Variants in MYO15B observed in about 807,000 individuals in gnomAD.
MYO15B encodes myosin XVB.
MYO15B carries 207 observed loss-of-function variants against 119.3 expected under a neutral mutation model. That is an observed-to-expected ratio of 1.73 (90% CI 1.55 to 1.95). The LOEUF is 1.95. Among genes scored for constraint, MYO15B ranks in the 30% most tolerant of loss-of-function variants. The pLI, the probability that MYO15B is intolerant of heterozygous loss-of-function variation, is 0.00. For synonymous variants in MYO15B, 966 were observed against 498.9 expected, an observed-to-expected ratio of 1.94 and a Z score of -12.48; for missense variants, 2,264 against 1,203.1, an observed-to-expected ratio of 1.88 and a Z score of -13.04.
chr17:75,624,171 G>A lies in MYO15B; in HGVS notation c.8273-4G>A, dbSNP rs912731602. ...CTCATAACCCCAGGCTGGCTTCTCT[G>A]CAGAGCTGGCCCGGAGCAGCCAGGA... On this transcript the variant is annotated splice_region_variant and splice_polypyrimidine_tract_variant and intron_variant, in intron 55 of 63. Transcript: ENST00000645453. 4 of 702,850 alleles carry A rather than the reference G, an allele frequency of 5.7e-6. No homozygotes were observed. The highest frequency in any genetic ancestry group is 5.2e-5 in the African/African-American group (3 of 57,252). 43.5% of individuals were successfully genotyped at this position (702,850 alleles called of 1,614,324 possible).
Position 75,625,913 on chromosome 17 carries a change from T to TA in MYO15B, c.9008_9009insA (p.Ser3004ValfsTer57), listed in dbSNP as rs1455478063. ...GTGCTGCGAGTGAGCATGCAGGCCC[T>TA]GTCCGGACCCACTCTCCTGGGGCTC... On this transcript the variant is annotated frameshift_variant, in exon 62 of 64. Transcript: ENST00000645453. LOFTEE classifies it high-confidence loss of function. 1.9e-5 allele frequency: 13 copies of TA among 702,558 alleles called. No homozygotes were observed. The South Asian group carries it at 1.9e-4, about 10-fold the overall frequency. The allele number at this position is 702,558 out of a possible 1,614,324, so 43.5% of individuals were successfully genotyped here. A position where few individuals can be genotyped will look rare whatever the true frequency, so the allele number is the denominator to read the frequency against.
intron 9 of MYO15B, among the ~76,000 whole-genome samples, chr17:75,594,099 A>AG (rs2056676416): frequency 1.2e-5 from 1 of 81,326 alleles, no homozygotes; most frequent in African/African-American, 3.9e-5. Context: ...CAAAAAAAAA[A>AG]AAAAAGAAAA....
intron 53 of MYO15B, 120 bp from the exon 54 acceptor site, chr17:75,623,661 A>G (rs888386400): frequency 1.5e-6 from 1 of 649,754 alleles, no homozygotes; most frequent in Non-Finnish European, 2.8e-6. Flanking sequence ...TGATGTCTTA[A>G]GCTGAGAGAG....
At chr17:75,609,485 A>ATTTTT (rs749247022) in intron 21 of MYO15B, among the ~76,000 whole-genome samples, 47 of 77,966 alleles carry the variant, frequency 6.0e-4, no homozygotes, top group Admixed American at 7.7e-4. Context: ...AAGGGAAATG[A>ATTTTT]TTTTTTTTTT....
rs139523993 is a variant in MYO15B at position 75,613,752 on chromosome 17, C to T, written c.5194C>T (p.Leu1732=). ...GGAGTCTTGGACCACCGGGGAGCAG[C>T]TGGCTGGGTGGATCCTGCAGAGCAG... Residue 1732 remains leucine, a synonymous_variant, in exon 29 of 64, where the codon CTG becomes TTG. Transcript: ENST00000645453. 4 of 702,474 alleles carry T rather than the reference C, an allele frequency of 5.7e-6. 1 individual carries two copies. The South Asian group carries it at 5.9e-5, about 10-fold the overall frequency. 43.5% of individuals were successfully genotyped at this position (702,474 alleles called of 1,614,324 possible).
chr17:75,614,436 G>A (rs2148008997), intron 30 of MYO15B, 76 bp downstream of exon 30: 1 of 677,470 alleles, frequency 1.5e-6, no homozygotes, highest in Admixed American at 2.0e-5. Context: ...CACACTCAGG[G>A]GTTTATAGGA....
rs182995925 is a variant in MYO15B, at chr17:75,615,150, G to A, written c.5642-90G>A. 5.4e-4 allele frequency: 369 copies of A among 677,398 alleles called. 3 individuals carry two copies. The highest frequency in any genetic ancestry group is 2.6e-3 in the Middle Eastern group (11 of 4,256). 42.0% of individuals were successfully genotyped at this position (677,398 alleles called of 1,614,324 possible). On this transcript the variant is annotated intron_variant, in intron 33 of 63. Coordinates refer to ENST00000645453, the Ensembl canonical transcript of MYO15B. The stretch of plus-strand genomic sequence containing the variant: ...CGATCGATGCCCTGGCCAGCACCCC[G>A]GTGCCCGATGCTCTTCTCTGTGCCT...
intron 9 of MYO15B, 33 bp downstream of exon 9, chr17:75,592,873 G>T (rs2056568601): frequency 5.8e-6 from 4 of 694,074 alleles, no homozygotes; most frequent in Non-Finnish European, 1.1e-5. Context: ...GCCATCTGGG[G>T]TGCTGGGTCT....
At chr17:75,624,552 G>A in exon 58 of MYO15B, 1 of 703,084 alleles carries the variant, frequency 1.4e-6, no homozygotes, top group Middle Eastern at 2.3e-4. Context: ...GGTAGCAGCA[G>A]AAGTGCAGGA....
At chr17:75,606,832 A>C (rs2057687445) in intron 21 of MYO15B, 1 of 395,516 alleles carries the variant, frequency 2.5e-6, no homozygotes, top group South Asian at 1.4e-4. Context: ...TCCCCAGCCC[A>C]ATTTAGGCCA....
At position 75,592,414 on chromosome 17, in the gene MYO15B, G is replaced by C. The variant is rs1598704031; in HGVS notation, c.2716-14G>C. ...CCTAGGGCACTGAGCCCCTAAGCCA[G>C]TCCTGTCCCCAAGGCCCAGGCTGAG... is the stretch of plus-strand genomic sequence containing the variant. On this transcript the variant is annotated splice_polypyrimidine_tract_variant and intron_variant, in intron 7 of 63. Transcript: ENST00000645453. 1 of 645,974 alleles carries C rather than the reference G, an allele frequency of 1.5e-6. No individual in the cohort carries two copies. Among genetic ancestry groups the C allele is most frequent in the Admixed American group, 2.5e-5 (1 of 40,444 alleles). The allele number at this position is 645,974 out of a possible 1,614,324, so 40.0% of individuals were successfully genotyped here.
At chr17:75,601,464 G>A in exon 15 of MYO15B, 1 of 703,102 alleles carries the variant, frequency 1.4e-6, no homozygotes, top group South Asian at 1.5e-5. Flanking sequence ...TCCTCCAGAA[G>A]AGCCACTATC....
rs1165956386 is a variant in MYO15B at position 75,621,587 on chromosome 17, A to G, written c.8005+17A>G. On this transcript the variant is annotated intron_variant, in intron 52 of 63. Coordinates refer to ENST00000645453, the Ensembl canonical transcript of MYO15B. ...GCTTCCTGGGTGAGTGGCCACAGGC[A>G]TCCTGGGTCCCCATGTCTGCAGTGC... The G allele has an allele frequency of 1.0e-5, 7 of 699,874 alleles. No homozygotes were observed. Among genetic ancestry groups the G allele is most frequent in the Non-Finnish European group, 1.8e-5 (7 of 382,520 alleles). 43.4% of individuals were successfully genotyped at this position (699,874 alleles called of 1,614,324 possible).
intron 12 of MYO15B, among the ~76,000 whole-genome samples, chr17:75,596,139 A>G (rs1273104477): frequency 3.9e-5 from 6 of 152,182 alleles, no homozygotes. Flanking sequence ...GTGCATGAGG[A>G]TGCGGGACTC....
intron 21 of MYO15B, chr17:75,606,887 C>T: frequency 5.0e-6 from 2 of 398,426 alleles, no homozygotes; most frequent in Non-Finnish European, 8.9e-6. Flanking sequence ...TCCTATAACA[C>T]CACCCTCCCA....
At chr17:75,614,423 T>G in intron 30 of MYO15B, 63 bp downstream of exon 30, 1 of 685,236 alleles carries the variant, frequency 1.5e-6, no homozygotes, top group South Asian at 1.5e-5. Context: ...ACAGCCACCC[T>G]GCCACACTCA....
chr17:75,591,766 C>A, intron 5 of MYO15B, 54 bp downstream of exon 5: 1 of 702,384 alleles, frequency 1.4e-6, no homozygotes, highest in South Asian at 1.5e-5. Flanking sequence ...CTGTCTTCCT[C>A]CAGGGGACAG....
intron 54 of MYO15B, 33 bp downstream of exon 54, chr17:75,623,887 T>TTA (rs2058854113): frequency 2.8e-5 from 20 of 702,606 alleles, no homozygotes; most frequent in Non-Finnish European, 4.9e-5. Flanking sequence ...TGGGGGTGGC[T>TTA]TCTGGGGGCA....
At chr17:75,593,744 A>AC (rs2056643174) in intron 9 of MYO15B, among the ~76,000 whole-genome samples, 1 of 151,414 alleles carries the variant, frequency 6.6e-6, no homozygotes, top group African/African-American at 2.4e-5. Flanking sequence ...ATATGGTGAA[A>AC]CCCCGTCTCT....
Sources: gnomAD v4.1 joint callset for allele counts (sites outside exome capture counted in the v4.1 genomes callset) on GRCh38, gnomAD v4.1.1 for gene constraint, MANE v1.5 for transcripts, NCBI Gene and HGNC (gene_info 2026-07-23, HGNC 2026-07-21) for gene names.